The following EPG5 variants were observed in gnomAD, a reference collection of about 807,000 sequenced individuals.
EPG5 encodes the protein ectopic P granules protein 5 homolog.
A neutral mutation model predicts 302.7 loss-of-function variants in EPG5; 159 were observed. The ratio of observed to expected loss-of-function variants is 0.53; its 90% CI spans 0.46 to 0.60. The LOEUF is 0.60. Among genes scored for constraint, EPG5 ranks in the 20% least tolerant of loss-of-function variants. The pLI is 0.00. For missense variants in EPG5, 2,896 were observed against 3,092.4 expected (o/e 0.94, Z 1.51); for synonymous variants, 1,158 against 1,136.8 (o/e 1.02, Z -0.37).
At chr18:45,937,245 C>T (rs1024874295) in intron 10 of EPG5, among the ~76,000 whole-genome samples, 1,395 of 107,126 alleles carry the variant, frequency 0.013, 29 homozygotes, top group African/African-American at 0.058. Context: ...TACACACACA[C>T]ACACACACAC....
At chr18:45,909,280 G>A (rs966912266) in intron 23 of EPG5, among the ~76,000 whole-genome samples, 4 of 152,182 alleles carry the variant, frequency 2.6e-5, no homozygotes, top group Non-Finnish European at 5.9e-5. Context: ...ATACCAGGAG[G>A]GGGATATAAC....
chr18:45,835,079 A>T, the EPG5 span, among the ~76,000 whole-genome samples: 1 of 149,628 alleles, frequency 6.7e-6, no homozygotes, highest in African/African-American at 2.5e-5. Flanking sequence ...ATTTGTCCAG[A>T]AAAAAAAAAG....
chr18:45,915,753 C>G (rs1018276150), intron 19 of EPG5, 132 bp from the exon 20 acceptor site: 25 of 756,922 alleles, frequency 3.3e-5, no homozygotes, highest in Non-Finnish European at 5.3e-5. Context: ...AGGATGAGTC[C>G]ACCAGCAGCA....
intron 37 of EPG5, among the ~76,000 whole-genome samples, chr18:45,867,224 T>G (rs1403632453): frequency 6.6e-6 from 1 of 152,234 alleles, no homozygotes; most frequent in East Asian, 1.9e-4. Context: ...ATTGAGTATC[T>G]GGAACCCAGG....
chr18:45,861,739 G>A (rs1002203824), intron 39 of EPG5, among the ~76,000 whole-genome samples: 23 of 152,118 alleles, frequency 1.5e-4, no homozygotes, highest in African/African-American at 3.4e-4. Context: ...ATTTAGCACC[G>A]TTTCATGTTT....
chr18:45,876,063 A>T, intron 35 of EPG5, among the ~76,000 whole-genome samples, 173 bp downstream of exon 35: 1 of 136,454 alleles, frequency 7.3e-6, no homozygotes, highest in East Asian at 2.0e-4. Context: ...TCTCCAAAAG[A>T]AAAAAAAAAA....
At chr18:45,835,246 C>A in the EPG5 span, among the ~76,000 whole-genome samples, 1 of 152,038 alleles carries the variant, frequency 6.6e-6, no homozygotes, top group Admixed American at 6.5e-5. Context: ...AGTAAGAGAC[C>A]CCATGGCCGG....
rs1199736659 is a variant in EPG5, at chr18:45,887,914, G to A, written c.4953-7C>T. ...GTAGGCATTCACTAAGGCCCTGTGG[G>A]AAAATGTGGGTAAGACTGCAGTCTA... On this transcript the variant is annotated splice_polypyrimidine_tract_variant and splice_region_variant and intron_variant, in intron 28 of 43. Transcript: ENST00000282041. 6 of 1,543,200 alleles carry A rather than the reference G, an allele frequency of 3.9e-6. No homozygotes were observed. Among genetic ancestry groups the A allele is most frequent in the Non-Finnish European group, 5.3e-6 (6 of 1,130,954 alleles).
intron 7 of EPG5, among the ~76,000 whole-genome samples, chr18:45,945,091 G>A (rs1360346963): frequency 2.0e-5 from 3 of 152,126 alleles, no homozygotes; most frequent in Non-Finnish European, 4.4e-5. Flanking sequence ...AAAAGATCCT[G>A]AGAACCTGAA....
At chr18:45,959,915 T>C (rs2051112145) in intron 1 of EPG5, among the ~76,000 whole-genome samples, 1 of 151,822 alleles carries the variant, frequency 6.6e-6, no homozygotes, top group Non-Finnish European at 1.5e-5. Context: ...GGAGGCAGAG[T>C]TTGCAGTGAG....
chr18:45,838,912 C>T, the EPG5 span: 1 of 1,602,510 alleles, frequency 6.2e-7, no homozygotes, highest in Non-Finnish European at 8.5e-7. Context: ...CGCACTGACC[C>T]ATGACGGCCG....
chr18:45,928,297 C>T (rs149146058), intron 13 of EPG5, among the ~76,000 whole-genome samples: 1 of 151,890 alleles, frequency 6.6e-6, no homozygotes, highest in Non-Finnish European at 1.5e-5. Context: ...GAGAGTTGCA[C>T]ATATCTGTGA....
At chr18:45,876,906 C>T (rs2048981742) in intron 34 of EPG5, among the ~76,000 whole-genome samples, 1 of 152,074 alleles carries the variant, frequency 6.6e-6, no homozygotes, top group Admixed American at 6.5e-5. Context: ...GCATCAGCCT[C>T]CCGAGCAACT....
In EPG5 at chr18:45,870,630, C is replaced by T. The variant is rs368651243; in HGVS notation, c.6162G>A (p.Thr2054=). Residue 2054 remains threonine (T), a synonymous_variant, in exon 36 of 44, where the codon ACG becomes ACA. Coordinates refer to ENST00000282041, the MANE Select transcript of EPG5 (RefSeq NM_020964.3). The part of the protein sequence containing the change: ...PEFILYAFHS[T]YRKLPWKDLH... ...GGTCCTTCCATGGCAGTTTCCGGTA[C>T]GTGCTATGGAAAGCGTACAGAATGA... 837 of 1,613,874 alleles carry T rather than the reference C, an allele frequency of 5.2e-4. 2 individuals are homozygous for T. Among genetic ancestry groups the T allele is most frequent in the Non-Finnish European group, 6.0e-4 (709 of 1,179,884 alleles).
Position 45,922,470 on chromosome 18 carries a change from G to A in EPG5, c.2969C>T (p.Ala990Val). 6.2e-7 allele frequency: 1 copy of A among 1,614,240 alleles called. No homozygotes were observed. The change falls in exon 16 of 44, where the codon GCT (alanine) becomes GTT (valine). Residue 990 changes from alanine (A) to valine (V), a missense_variant. By Grantham distance (64) the Ala-to-Val change is moderately conservative. Around this residue, in one of 5 missense-constraint regions of EPG5, gnomAD observed 1,390 missense variants for 1,430.0 expected, o/e 0.97. Transcript: ENST00000282041. ...AGGCACAGTGACGGAGAAGGGAACA[G>A]CTGGACAATTCGGCTGTATTCCATA... ...NDYGIQPNCP[A>V]VPFSVTVPDM...
At chr18:45,802,587 C>T in the EPG5 span, among the ~76,000 whole-genome samples, 1 of 152,254 alleles carries the variant, frequency 6.6e-6, no homozygotes, top group Admixed American at 6.5e-5. Flanking sequence ...AACCCCACCC[C>T]AGTGCCCAGA....
At chr18:45,859,024 C>A (rs1205727244) in intron 40 of EPG5, among the ~76,000 whole-genome samples, 1 of 152,184 alleles carries the variant, frequency 6.6e-6, no homozygotes, top group Non-Finnish European at 1.5e-5. Flanking sequence ...GCGTAGCCAC[C>A]AGAAAGGTTT....
At chr18:45,933,431 C>T (rs879377043) in intron 11 of EPG5, among the ~76,000 whole-genome samples, 5 of 152,262 alleles carry the variant, frequency 3.3e-5, no homozygotes, top group South Asian at 2.1e-4. Context: ...ATTATCCCAG[C>T]GTTTTGGGAG....
At chr18:45,810,471 T>C in the EPG5 span, among the ~76,000 whole-genome samples, 1 of 152,090 alleles carries the variant, frequency 6.6e-6, no homozygotes, top group Non-Finnish European at 1.5e-5. Context: ...TTTAACAAAA[T>C]ACTAGCTAAC....
Sources: gnomAD v4.1 joint callset for allele counts (sites outside exome capture counted in the v4.1 genomes callset) on GRCh38, gnomAD v4.1.1 for gene constraint, gnomAD v4.1.1 regional missense constraint, MANE v1.5 for transcripts, NCBI Gene and HGNC (gene_info 2026-07-23, HGNC 2026-07-21) for gene names.